Variants in EYA4 observed in about 807,000 individuals in gnomAD.
The protein encoded by EYA4 is protein phosphatase EYA4.
Under a neutral mutation model 87.9 loss-of-function variants are expected in EYA4, and 31 were observed. The observed-to-expected ratio is 0.35, with a 90% CI of 0.27 to 0.48. The LOEUF is 0.48. EYA4 is among the 20% of genes least tolerant of loss of function. The pLI is 0.99. For synonymous variants in EYA4, 263 were observed against 270.6 expected (o/e 0.97, Z 0.28); for missense variants, 678 against 761.4 (o/e 0.89, Z 1.29).
intron 2 of EYA4, among the ~76,000 whole-genome samples, chr6:133,343,654 A>G (rs1420102828): frequency 2.7e-5 from 4 of 150,438 alleles, no homozygotes; most frequent in Non-Finnish European, 5.9e-5. Flanking sequence ...GATAAGCTTA[A>G]CAAAGACTAA....
At chr6:133,295,536 G>A (rs936477206) in intron 2 of EYA4, among the ~76,000 whole-genome samples, 1 of 152,146 alleles carries the variant, frequency 6.6e-6, no homozygotes, top group Non-Finnish European at 1.5e-5. Flanking sequence ...ATAAACCACA[G>A]TGATTATATA....
intron 2 of EYA4, among the ~76,000 whole-genome samples, chr6:133,300,219 G>A (rs1054807658): frequency 6.6e-6 from 1 of 151,808 alleles, no homozygotes; most frequent in East Asian, 1.9e-4. Flanking sequence ...CTGAGGAGGA[G>A]GAGAAAGAGG....
chr6:133,481,873 C>G lies in EYA4; in HGVS notation c.1107+274C>G, dbSNP rs212772. On this transcript the variant is annotated intron_variant, in intron 12 of 19. Coordinates refer to ENST00000355286, the MANE Select transcript of EYA4 (RefSeq NM_004100.5). ...TGCAAGTTTTGATCTAAATTGGCAC[C>G]GACAAATTTTAAAACTATAGCCATT... Among the ~76,000 whole-genome samples the G allele has an allele frequency of 0.36, 54,002 of 151,914 alleles. 10,870 individuals carry two copies. Among genetic ancestry groups the G allele is most frequent in the Non-Finnish European group, 0.45 (30,827 of 67,934 alleles).
intron 3 of EYA4, among the ~76,000 whole-genome samples, chr6:133,441,270 T>C (rs2128610624): frequency 6.6e-6 from 1 of 152,308 alleles, no homozygotes; most frequent in South Asian, 2.1e-4. Flanking sequence ...TTAAGTCCAC[T>C]CAAATAATAC....
At chr6:133,241,914 G>C (rs540256810) in intron 1 of EYA4, among the ~76,000 whole-genome samples, 165 bp downstream of exon 1, 9 of 152,190 alleles carry the variant, frequency 5.9e-5, no homozygotes, top group Admixed American at 2.6e-4. Context: ...TGCGTCCCCG[G>C]GGGGCGCTTG....
At chr6:133,353,098 A>G (rs1783760489) in intron 2 of EYA4, among the ~76,000 whole-genome samples, 1 of 152,170 alleles carries the variant, frequency 6.6e-6, no homozygotes, top group African/African-American at 2.4e-5. Context: ...ACATGTAAAA[A>G]CCATGTCTGT....
chr6:133,319,063 T>C (rs1432767970), intron 2 of EYA4, among the ~76,000 whole-genome samples: 1 of 152,150 alleles, frequency 6.6e-6, no homozygotes, highest in Non-Finnish European at 1.5e-5. Context: ...TCATTCTGAT[T>C]TGTATGGTGT....
At chr6:133,385,387 C>CTG (rs2128485901) in intron 3 of EYA4, among the ~76,000 whole-genome samples, 2 of 37,370 alleles carry the variant, frequency 5.4e-5, no homozygotes, top group African/African-American at 1.2e-4. Flanking sequence ...TATGTATGCT[C>CTG]TCTCTGTGTG....
chr6:133,338,080 A>C (rs1463241993), intron 2 of EYA4, among the ~76,000 whole-genome samples: 1 of 152,198 alleles, frequency 6.6e-6, no homozygotes, highest in Admixed American at 6.5e-5. Context: ...TATTGTAAAA[A>C]GAACATTCAT....
intron 2 of EYA4, among the ~76,000 whole-genome samples, chr6:133,323,014 G>A (rs376618677): frequency 6.6e-6 from 1 of 151,600 alleles, no homozygotes. Context: ...AATATTATCA[G>A]CTTCTCAAGA....
intron 2 of EYA4, among the ~76,000 whole-genome samples, chr6:133,319,051 C>A (rs1780845197): frequency 6.6e-6 from 1 of 152,140 alleles, no homozygotes; most frequent in African/African-American, 2.4e-5. Flanking sequence ...TCTAGTAAGT[C>A]CTCATTCTGA....
At chr6:133,461,610 A>G (rs1203207834) in intron 7 of EYA4, among the ~76,000 whole-genome samples, 2 of 152,098 alleles carry the variant, frequency 1.3e-5, no homozygotes, top group Non-Finnish European at 2.9e-5. Context: ...AAGTTTAACT[A>G]TATTGGGTGT....
chr6:133,363,767 G>C (rs374794196), intron 2 of EYA4, among the ~76,000 whole-genome samples: 3 of 152,144 alleles, frequency 2.0e-5, no homozygotes, highest in African/African-American at 7.2e-5. Context: ...GACCCACCGC[G>C]CCCGGCGAGA....
chr6:133,448,447 T>C (rs1207089014), intron 5 of EYA4, among the ~76,000 whole-genome samples: 2 of 152,238 alleles, frequency 1.3e-5, no homozygotes, highest in African/African-American at 4.8e-5. Flanking sequence ...ATATTGGTTT[T>C]CTAACTATTT....
chr6:133,528,453 A>T (rs1800808097), intron 19 of EYA4, among the ~76,000 whole-genome samples: 1 of 152,194 alleles, frequency 6.6e-6, no homozygotes, highest in African/African-American at 2.4e-5. Context: ...CTTCCAGAAT[A>T]AATATTAAAC....
At chr6:133,481,089 G>GAGTC (rs1050757298) in intron 11 of EYA4, among the ~76,000 whole-genome samples, 1 of 152,142 alleles carries the variant, frequency 6.6e-6, no homozygotes, top group African/African-American at 2.4e-5. Flanking sequence ...GTGGGGCTGG[G>GAGTC]AGTCAGGTTT....
intron 13 of EYA4, among the ~76,000 whole-genome samples, chr6:133,488,772 C>T (rs1796892482): frequency 6.6e-6 from 1 of 152,100 alleles, no homozygotes; most frequent in Non-Finnish European, 1.5e-5. Context: ...CTTCAGATAC[C>T]TCAAAAGCCT....
intron 14 of EYA4, among the ~76,000 whole-genome samples, chr6:133,509,469 T>C (rs1286535676): frequency 6.6e-6 from 1 of 151,334 alleles, no homozygotes; most frequent in African/African-American, 2.4e-5. Context: ...GCAACATATA[T>C]AGTAGCAGCT....
chr6:133,296,965 A>G (rs892364094), intron 2 of EYA4, among the ~76,000 whole-genome samples: 12 of 152,164 alleles, frequency 7.9e-5, no homozygotes, highest in African/African-American at 2.9e-4. Context: ...TTATCAGTTT[A>G]TCTTACAATT....
Sources: gnomAD v4.1 joint callset for allele counts (sites outside exome capture counted in the v4.1 genomes callset) on GRCh38, gnomAD v4.1.1 for gene constraint, MANE v1.5 for transcripts, NCBI Gene and HGNC (gene_info 2026-07-23, HGNC 2026-07-21) for gene names.